Variants in KIF21A observed in about 807,000 individuals in gnomAD.
KIF21A encodes the protein kinesin-like protein KIF21A.
In KIF21A, 114 loss-of-function variants were observed where a neutral mutation model predicts 202.9. The ratio of observed to expected loss-of-function variants is 0.56; its 90% CI spans 0.48 to 0.66. The LOEUF (loss-of-function observed/expected upper bound fraction) is 0.66. Among genes scored for constraint, KIF21A ranks in the 30% least tolerant of loss-of-function variants. The probability of loss-of-function intolerance (pLI) is 0.00; values close to 1 mark genes in which losing one functional copy is unlikely to be tolerated. For missense variants in KIF21A, 1,677 were observed against 1,994.9 expected (o/e 0.84, Z 3.04); for synonymous variants, 667 against 670.8 (o/e 0.99, Z 0.09).
At chr12:39,336,401 T>A (rs1946973974) in intron 17 of KIF21A, among the ~76,000 whole-genome samples, 1 of 152,208 alleles carries the variant, frequency 6.6e-6, no homozygotes, top group Admixed American at 6.5e-5. Context: ...AAATCAAGCA[T>A]ACATTTATTT....
chr12:39,388,625 C>T (rs1951123114), intron 1 of KIF21A, among the ~76,000 whole-genome samples: 1 of 152,172 alleles, frequency 6.6e-6, no homozygotes, highest in Admixed American at 6.6e-5. Context: ...AATAATTTCT[C>T]TTATTTACAC....
At chr12:39,296,898 T>C (rs369600372) in intron 37 of KIF21A, among the ~76,000 whole-genome samples, 35 of 152,338 alleles carry the variant, frequency 2.3e-4, no homozygotes, top group African/African-American at 8.2e-4. Context: ...TCATCTAACA[T>C]ACTTTTAAAG....
In KIF21A at chr12:39,407,043, A is replaced by G. The variant is rs1952647931; in HGVS notation, c.44+35884T>C. ...ACACTCCCTGCTCCTGTTAAAGGTC[A>G]CTCTCTCCACTTGTGGACTGCATTC... On this transcript the variant is annotated intron_variant, in intron 1 of 37. Transcript: ENST00000361418. Among the ~76,000 whole-genome samples the G allele has an allele frequency of 3.3e-5, 5 of 152,034 alleles. No individual in the cohort carries two copies. In the South Asian group the frequency reaches 1.0e-3, roughly 32 times the overall value.
rs17127072 is a variant in KIF21A, at chr12:39,366,650, A to G, written c.736-133T>C. 4.5e-3 allele frequency: 3,143 copies of G among 697,514 alleles called. 72 individuals carry two copies. The African/African-American group carries it at 0.047, about 11-fold the overall frequency. The allele number at this position is 697,514 out of a possible 1,614,324, so 43.2% of individuals were successfully genotyped here. ...ACAGGCATAAAGCCAAATAAATTCA[A>G]AAATGTCTGCTGGCAATTAGAAATT... On this transcript the variant is annotated intron_variant, in intron 5 of 37. Transcript: ENST00000361418.
chr12:39,436,453 T>G, intron 1 of KIF21A, among the ~76,000 whole-genome samples: 1 of 128,090 alleles, frequency 7.8e-6, no homozygotes, highest in African/African-American at 2.9e-5. Context: ...TATATATTTT[T>G]TTTTTTTTTA....
At chr12:39,380,627 G>A (rs1352376745) in intron 1 of KIF21A, among the ~76,000 whole-genome samples, 1 of 151,794 alleles carries the variant, frequency 6.6e-6, no homozygotes, top group East Asian at 2.0e-4. Flanking sequence ...AGGCTGAAGA[G>A]GAGAGGACCG....
intron 1 of KIF21A, among the ~76,000 whole-genome samples, chr12:39,389,213 T>C (rs189210186): frequency 0.013 from 1,839 of 138,722 alleles, 49 homozygotes; most frequent in African/African-American, 0.045. Context: ...CACACACACA[T>C]ATATACATAC....
rs971345168 is a variant in KIF21A, at chr12:39,340,826, T to A, written c.2110+80A>T. The A allele has an allele frequency of 4.8e-6, 5 of 1,032,096 alleles. No individual in the cohort carries two copies. The Admixed American group carries it at 6.7e-5, about 14-fold the overall frequency. 63.9% of individuals were successfully genotyped at this position (1,032,096 alleles called of 1,614,324 possible). On this transcript the variant is annotated intron_variant, in intron 15 of 37. Coordinates refer to ENST00000361418, the MANE Select transcript of KIF21A (RefSeq NM_001173464.2). Reference sequence around the variant, plus strand: ...AAAGGGTTTAATACGGCTTCTATTTTTTTTCTTCTAAAGGAAAAGATAAAA... The same window carrying A: ...AAAGGGTTTAATACGGCTTCTATTTATTTTCTTCTAAAGGAAAAGATAAAA...
intron 33 of KIF21A, among the ~76,000 whole-genome samples, chr12:39,308,560 G>A (rs1400545712): frequency 1.3e-4 from 20 of 152,084 alleles, no homozygotes; most frequent in Admixed American, 1.3e-3. Context: ...ATTATTTGCA[G>A]TTTTCATTTA....
intron 27 of KIF21A, among the ~76,000 whole-genome samples, chr12:39,320,675 C>T (rs1168390527): frequency 1.3e-5 from 2 of 150,620 alleles, no homozygotes; most frequent in Non-Finnish European, 2.9e-5. Flanking sequence ...TGGCTCACAC[C>T]TGTAATCCCA....
intron 16 of KIF21A, 45 bp downstream of exon 16, chr12:39,340,120 A>C: frequency 1.3e-6 from 2 of 1,486,596 alleles, no homozygotes; most frequent in Non-Finnish European, 1.9e-6. Flanking sequence ...CAAATGACAA[A>C]ATCATACTGA....
intron 1 of KIF21A, among the ~76,000 whole-genome samples, chr12:39,423,623 T>C (rs1429361707): frequency 6.6e-6 from 1 of 151,610 alleles, no homozygotes; most frequent in Non-Finnish European, 1.5e-5. Context: ...CAGAGGCTAG[T>C]GGATCACCTG....
rs370512882 is a variant in KIF21A at position 39,325,962 on chromosome 12, A to G, written c.3402-69T>C. The G allele has an allele frequency of 1.1e-4, 140 of 1,235,498 alleles. No homozygotes were observed. In the African/African-American group the frequency reaches 1.8e-3, roughly 16 times the overall value. 76.5% of individuals were successfully genotyped at this position (1,235,498 alleles called of 1,614,324 possible). Reference sequence around the variant, plus strand: ...TATTATAGAAAACTATAGCTCCTCTATATCAACGACTACAAAAAATTTATA... The same window carrying G: ...TATTATAGAAAACTATAGCTCCTCTGTATCAACGACTACAAAAAATTTATA... On this transcript the variant is annotated intron_variant, in intron 25 of 37. Transcript: ENST00000361418.
rs181455893 is a variant in KIF21A, at chr12:39,417,984, G to T, written c.44+24943C>A. Among the ~76,000 whole-genome samples, 14 of 152,154 alleles carry T rather than the reference G, an allele frequency of 9.2e-5. No homozygotes were observed. The East Asian group carries it at 2.7e-3, about 29-fold the overall frequency. On this transcript the variant is annotated intron_variant, in intron 1 of 37. Coordinates refer to ENST00000361418, the MANE Select transcript of KIF21A (RefSeq NM_001173464.2). Reference sequence around the variant, plus strand: ...GCACTTTGGGAGGCTAAGGCAGGTGGATCTCTTGGGCTCAGGAGTTGGAGA... The same window carrying T: ...GCACTTTGGGAGGCTAAGGCAGGTGTATCTCTTGGGCTCAGGAGTTGGAGA...
At chr12:39,438,534 T>C (rs1256971345) in intron 1 of KIF21A, among the ~76,000 whole-genome samples, 2 of 152,186 alleles carry the variant, frequency 1.3e-5, no homozygotes, top group Non-Finnish European at 2.9e-5. Context: ...AAATAGCCCC[T>C]AAGCCTGCTG....
intron 1 of KIF21A, among the ~76,000 whole-genome samples, chr12:39,398,463 T>C (rs1951921381): frequency 6.6e-6 from 1 of 152,046 alleles, no homozygotes; most frequent in Non-Finnish European, 1.5e-5. Context: ...TAAACAGGCA[T>C]AGTGGCATGC....
At chr12:39,431,814 G>A (rs1190057168) in intron 1 of KIF21A, among the ~76,000 whole-genome samples, 1 of 152,170 alleles carries the variant, frequency 6.6e-6, no homozygotes, top group Non-Finnish European at 1.5e-5. Context: ...TAACAAAATA[G>A]ATAAGAATAT....
At chr12:39,296,889 C>A (rs911872038) in intron 37 of KIF21A, among the ~76,000 whole-genome samples, 1 of 152,154 alleles carries the variant, frequency 6.6e-6, no homozygotes, top group African/African-American at 2.4e-5. Context: ...GAAGGAATAT[C>A]ATCTAACATA....
At chr12:39,425,112 A>C (rs1228809538) in intron 1 of KIF21A, among the ~76,000 whole-genome samples, 1 of 152,068 alleles carries the variant, frequency 6.6e-6, no homozygotes, top group Admixed American at 6.6e-5. Flanking sequence ...CTGTTCTCTC[A>C]GGTCTTCTCA....
Sources: allele counts gnomAD v4.1 joint callset (sites outside exome capture counted in the v4.1 genomes callset), GRCh38; gene constraint gnomAD v4.1.1; transcripts MANE v1.5; gene names NCBI Gene and HGNC (gene_info 2026-07-23, HGNC 2026-07-21).